The following RORA variants were observed in gnomAD, a reference collection of about 807,000 sequenced individuals.
The protein encoded by RORA is RAR related orphan receptor A, also known as nuclear receptor ROR-alpha.
In RORA, 7 loss-of-function variants were observed where a neutral mutation model predicts 69.5. The observed-to-expected ratio is 0.10, with a 90% confidence interval of 0.06 to 0.19. RORA has a LOEUF of 0.19. Ranked by LOEUF, RORA falls within the 10% of genes least tolerant of loss-of-function variation. The probability of loss-of-function intolerance (pLI) is 1.00; values close to 1 mark genes in which losing one functional copy is unlikely to be tolerated. For synonymous variants in RORA, 261 were observed against 240.8 expected, an observed-to-expected ratio of 1.08 and a Z score of -0.78; for missense variants, 457 against 663.0, an observed-to-expected ratio of 0.69 and a Z score of 3.41.
At chr15:60,936,674 A>G (rs927600263) in intron 1 of RORA, among the ~76,000 whole-genome samples, 3 of 152,254 alleles carry the variant, frequency 2.0e-5, no homozygotes, top group African/African-American at 7.2e-5. Context: ...GTGACCATAC[A>G]GTGGCAGCAG....
At chr15:60,985,858 G>A (rs186527079) in intron 1 of RORA, among the ~76,000 whole-genome samples, 2 of 152,154 alleles carry the variant, frequency 1.3e-5, no homozygotes, top group Non-Finnish European at 1.5e-5. Context: ...GGGATTACAG[G>A]TGTGAGCCAA....
At chr15:60,658,830 T>G (rs2070261150) in intron 2 of RORA, among the ~76,000 whole-genome samples, 3 of 152,168 alleles carry the variant, frequency 2.0e-5, no homozygotes, top group African/African-American at 7.2e-5. Flanking sequence ...AATTGTGATG[T>G]TTGGAATTTC....
At chr15:61,002,449 G>A (rs761554341) in intron 1 of RORA, among the ~76,000 whole-genome samples, 4 of 152,168 alleles carry the variant, frequency 2.6e-5, no homozygotes, top group Admixed American at 6.5e-5. Flanking sequence ...ATATTAACTC[G>A]ATTCAATAGA....
chr15:61,212,164 C>T (rs2140938026), intron 1 of RORA, among the ~76,000 whole-genome samples: 1 of 152,238 alleles, frequency 6.6e-6, no homozygotes, highest in South Asian at 2.1e-4. Context: ...ATTTCTCCCA[C>T]CCTTAAGGTT....
intron 1 of RORA, among the ~76,000 whole-genome samples, chr15:60,692,071 T>C (rs12916690): frequency 0.29 from 43,474 of 152,108 alleles, 7,836 homozygotes; most frequent in African/African-American, 0.51. Flanking sequence ...AGTTCTTAGA[T>C]ACAACAGCTT....
intron 1 of RORA, among the ~76,000 whole-genome samples, chr15:60,919,440 C>T (rs1181950785): frequency 6.6e-6 from 1 of 152,210 alleles, no homozygotes; most frequent in African/African-American, 2.4e-5. Flanking sequence ...TTCCATAATG[C>T]AATTCCTTCA....
chr15:60,960,050 T>C (rs1893371962), intron 1 of RORA, among the ~76,000 whole-genome samples: 1 of 152,160 alleles, frequency 6.6e-6, no homozygotes, highest in South Asian at 2.1e-4. Context: ...AACAGGATTT[T>C]TTTTGTGTGT....
intron 2 of RORA, among the ~76,000 whole-genome samples, chr15:60,550,262 C>T (rs2067194394): frequency 6.6e-6 from 1 of 152,166 alleles, no homozygotes; most frequent in Non-Finnish European, 1.5e-5. Context: ...TGCACTCCAG[C>T]CTGGGCAGCA....
chr15:60,916,991 T>C (rs1231290901), intron 1 of RORA, among the ~76,000 whole-genome samples: 1 of 152,182 alleles, frequency 6.6e-6, no homozygotes, highest in East Asian at 1.9e-4. Flanking sequence ...CCCATCGCAC[T>C]GGTGATGGGA....
At chr15:60,572,741 G>A (rs969188125) in intron 2 of RORA, among the ~76,000 whole-genome samples, 2 of 152,204 alleles carry the variant, frequency 1.3e-5, no homozygotes, top group South Asian at 4.1e-4. Flanking sequence ...CTGTGGCAAG[G>A]AAGTCAGATC....
At chr15:61,181,417 T>A (rs757336847) in intron 1 of RORA, 2 of 151,922 alleles carry the variant, frequency 1.3e-5, no homozygotes, top group Admixed American at 6.6e-5. Context: ...GAATTTCAAA[T>A]GATAAATTAA....
At chr15:60,837,743 A>G (rs2073136670) in intron 1 of RORA, among the ~76,000 whole-genome samples, 1 of 152,166 alleles carries the variant, frequency 6.6e-6, no homozygotes, top group Non-Finnish European at 1.5e-5. Context: ...CCGCTGTGAA[A>G]TCATAAACGG....
intron 3 of RORA, among the ~76,000 whole-genome samples, chr15:60,515,942 TATATATTTATATATTTATATTTA>T (rs2141345580): frequency 6.8e-5 from 1 of 14,680 alleles, no homozygotes; most frequent in Non-Finnish European, 1.1e-4. Flanking sequence ...TATATATTTA[TATATATTTATATATTTATATTTA>T]TATATATTTA....
At chr15:61,142,478 G>A (rs1011327540) in intron 1 of RORA, among the ~76,000 whole-genome samples, 7 of 152,114 alleles carry the variant, frequency 4.6e-5, no homozygotes, top group African/African-American at 1.7e-4. Context: ...ATTTAAATAT[G>A]TTTTCAGGAA....
intron 2 of RORA, among the ~76,000 whole-genome samples, chr15:60,668,664 C>T (rs1235198891): frequency 6.6e-6 from 1 of 152,106 alleles, no homozygotes; most frequent in African/African-American, 2.4e-5. Flanking sequence ...TATCCCGACG[C>T]CCCAACCTGG....
At chr15:60,897,956 C>T (rs1274575551) in intron 1 of RORA, among the ~76,000 whole-genome samples, 1 of 152,178 alleles carries the variant, frequency 6.6e-6, no homozygotes, top group African/African-American at 2.4e-5. Flanking sequence ...ATATTTCCCT[C>T]CACCTTTACC....
chr15:61,132,615 C>T (rs890742303), intron 1 of RORA, among the ~76,000 whole-genome samples: 8 of 152,218 alleles, frequency 5.3e-5, no homozygotes, highest in African/African-American at 1.7e-4. Context: ...AGTGCAATAA[C>T]TTAGGGTTTG....
chr15:61,168,321 T>C (rs2079556300), intron 1 of RORA, among the ~76,000 whole-genome samples: 1 of 152,108 alleles, frequency 6.6e-6, no homozygotes, highest in African/African-American at 2.4e-5. Context: ...CTCCACCTTC[T>C]GGGTTCAAGC....
chr15:61,202,108 A>C (rs1205655669), intron 1 of RORA, among the ~76,000 whole-genome samples: 1 of 151,796 alleles, frequency 6.6e-6, no homozygotes, highest in Non-Finnish European at 1.5e-5. Context: ...CCCAGGTTCA[A>C]GCGATTCTCC....
Sources: gnomAD v4.1 joint callset for allele counts (sites outside exome capture counted in the v4.1 genomes callset) on GRCh38, gnomAD v4.1.1 for gene constraint, MANE v1.5 for transcripts, NCBI Gene and HGNC (gene_info 2026-07-23, HGNC 2026-07-21) for gene names.